The following DOCK5 variants were observed in gnomAD, a reference collection of about 807,000 sequenced individuals.
DOCK5 encodes the protein dedicator of cytokinesis protein 5.
In DOCK5, 142 loss-of-function variants were observed where a neutral mutation model predicts 251.8. The ratio of observed to expected loss-of-function variants is 0.56; its 90% CI spans 0.49 to 0.65. DOCK5 has a LOEUF of 0.65. DOCK5 is among the 30% of genes least tolerant of loss of function. DOCK5 has a pLI of 0.00. For synonymous variants in DOCK5, 842 were observed against 835.5 expected (o/e 1.01, Z -0.13); for missense variants, 2,111 against 2,312.3 (o/e 0.91, Z 1.79).
intron 40 of DOCK5, among the ~76,000 whole-genome samples, chr8:25,387,421 C>T (rs748567626): frequency 2.0e-5 from 3 of 152,100 alleles, no homozygotes; most frequent in Non-Finnish European, 1.5e-5. Context: ...GAATCAGCGT[C>T]GACTCCCCTG....
At chr8:25,206,816 G>C (rs566279646) in intron 1 of DOCK5, among the ~76,000 whole-genome samples, 6 of 152,234 alleles carry the variant, frequency 3.9e-5, no homozygotes, top group African/African-American at 1.4e-4. Context: ...TGCCACAGGG[G>C]CAAAAGCTAA....
At chr8:25,215,970 C>CACGT (rs2117487366) in intron 1 of DOCK5, among the ~76,000 whole-genome samples, 1 of 145,652 alleles carries the variant, frequency 6.9e-6, no homozygotes, top group Non-Finnish European at 1.5e-5. Flanking sequence ...CACACACACA[C>CACGT]ACGTATACGA....
chr8:25,315,327 G>A (rs933418527), intron 13 of DOCK5, among the ~76,000 whole-genome samples: 2 of 151,686 alleles, frequency 1.3e-5, no homozygotes, highest in Non-Finnish European at 2.9e-5. Context: ...CCCTGCAGAC[G>A]AGGTCAGGAC....
chr8:25,283,591 G>C lies in DOCK5; in HGVS notation c.321+4926G>C, dbSNP rs539905750. On this transcript the variant is annotated intron_variant, in intron 5 of 51. Coordinates refer to ENST00000276440, the MANE Select transcript of DOCK5 (RefSeq NM_024940.8). The stretch of plus-strand genomic sequence containing the variant: ...TCTTAGCTGGAAGCAGTAGCCATCT[G>C]GACACCCTCCCTCTGGGAAGCCTTG... Among the ~76,000 whole-genome samples, 5 of 151,070 alleles carry C rather than the reference G, an allele frequency of 3.3e-5. No individual in the cohort carries two copies. In the South Asian group the frequency reaches 1.1e-3, roughly 32 times the overall value.
At chr8:25,381,994 C>G (rs1586381223) in intron 39 of DOCK5, among the ~76,000 whole-genome samples, 1 of 152,266 alleles carries the variant, frequency 6.6e-6, no homozygotes, top group African/African-American at 2.4e-5. Context: ...CACAGTCCTT[C>G]TTTTTAAAAA....
chr8:25,346,148 C>A (rs921616385), intron 26 of DOCK5, among the ~76,000 whole-genome samples: 2 of 152,022 alleles, frequency 1.3e-5, no homozygotes, highest in African/African-American at 4.8e-5. Flanking sequence ...TCGCGCCCAG[C>A]CCCTGTGACT....
Position 25,357,009 on chromosome 8 carries a change from A to C in DOCK5, c.2851-1954A>C, listed in dbSNP as rs188470031. 1.5e-4 allele frequency among the ~76,000 whole-genome samples: 22 copies of C among 151,126 alleles called. No homozygotes were observed. In the East Asian group the frequency reaches 4.1e-3, roughly 28 times the overall value. On this transcript the variant is annotated intron_variant, in intron 27 of 51. Transcript: ENST00000276440. ...GTAATATAGGTGACAGGTGGCTAAT[A>C]AACTTAATATACAAAAGCTATTATA...
chr8:25,404,500 G>C (rs1189491696), intron 48 of DOCK5, among the ~76,000 whole-genome samples: 2 of 152,130 alleles, frequency 1.3e-5, no homozygotes, highest in Non-Finnish European at 1.5e-5. Context: ...CCCCAAATCT[G>C]AAATGTTCCA....
intron 1 of DOCK5, among the ~76,000 whole-genome samples, chr8:25,202,877 T>G (rs1801912593): frequency 6.6e-6 from 1 of 151,966 alleles, no homozygotes; most frequent in African/African-American, 2.4e-5. Flanking sequence ...ACCCCGGCAG[T>G]TTGTTTTTGA....
intron 47 of DOCK5, among the ~76,000 whole-genome samples, chr8:25,402,644 A>G (rs1801458989): frequency 6.7e-6 from 1 of 150,368 alleles, no homozygotes; most frequent in Non-Finnish European, 1.5e-5. Context: ...GAGTCTCCCT[A>G]TGTTGCCCAG....
chr8:25,202,129 G>A (rs893693334), intron 1 of DOCK5, among the ~76,000 whole-genome samples: 3 of 152,020 alleles, frequency 2.0e-5, no homozygotes, highest in Admixed American at 2.0e-4. Flanking sequence ...CGATTCTCCT[G>A]CCTCAGCCTC....
At chr8:25,247,391 G>A (rs539111588) in intron 2 of DOCK5, among the ~76,000 whole-genome samples, 17 of 152,108 alleles carry the variant, frequency 1.1e-4, no homozygotes, top group Non-Finnish European at 2.1e-4. Context: ...GAGGCCTAGA[G>A]TTCAAGACCA....
chr8:25,290,730 G>C (rs1202768546), intron 5 of DOCK5, among the ~76,000 whole-genome samples: 4 of 152,152 alleles, frequency 2.6e-5, no homozygotes, highest in African/African-American at 9.7e-5. Context: ...ACACACAAAT[G>C]AACAAACTCT....
chr8:25,344,986 C>T lies in DOCK5; in HGVS notation c.2618-489C>T, dbSNP rs58757786. ...CATACCTTACTTTCTGAAATCCACA[C>T]GCCTGCACAGACATGAGCAGAATGT... On this transcript the variant is annotated intron_variant, in intron 25 of 51. Transcript: ENST00000276440. Among the ~76,000 whole-genome samples the T allele has an allele frequency of 8.1e-3, 1,237 of 152,178 alleles. 12 individuals are homozygous for T. Among genetic ancestry groups the T allele is most frequent in the African/African-American group, 0.028 (1,176 of 41,498 alleles).
chr8:25,348,837 C>CAA (rs574264117), intron 26 of DOCK5, among the ~76,000 whole-genome samples: 3 of 115,854 alleles, frequency 2.6e-5, no homozygotes, highest in South Asian at 2.7e-4. Flanking sequence ...GACTCTGTCT[C>CAA]AAAAAAAAAA....
At position 25,254,176 on chromosome 8, in the gene DOCK5, A is replaced by G. The variant is rs534132743; in HGVS notation, c.127+10419A>G. Among the ~76,000 whole-genome samples the G allele has an allele frequency of 2.2e-4, 34 of 152,346 alleles. No individual in the cohort carries two copies. The East Asian group carries it at 6.6e-3, about 29-fold the overall frequency. On this transcript the variant is annotated intron_variant, in intron 2 of 51. Coordinates refer to ENST00000276440, the MANE Select transcript of DOCK5 (RefSeq NM_024940.8). ...TAACAAATCGTGCTGGAACAACCTG[A>G]CAACCACATGCCGAAATAATAATTT...
chr8:25,355,257 A>C (rs1800547006), intron 27 of DOCK5, among the ~76,000 whole-genome samples: 1 of 152,136 alleles, frequency 6.6e-6, no homozygotes, highest in South Asian at 2.1e-4. Flanking sequence ...AAAGGTATTT[A>C]ATTTCAACAC....
chr8:25,373,711 T>C lies in DOCK5; in HGVS notation c.3725+53T>C. On this transcript the variant is annotated intron_variant, in intron 36 of 51. Coordinates refer to ENST00000276440, the MANE Select transcript of DOCK5 (RefSeq NM_024940.8). The stretch of plus-strand genomic sequence containing the variant: ...GCTGTTTATTTCATGGCTTTGTGAT[T>C]GATTTCTTCAGTAAACAAATACTTT... 2.7e-6 allele frequency: 4 copies of C among 1,509,012 alleles called. No homozygotes were observed. The South Asian group carries it at 5.0e-5, about 19-fold the overall frequency. The allele number at this position is 1,509,012 out of a possible 1,614,324, so 93.5% of individuals were successfully genotyped here.
chr8:25,399,828 C>A, intron 45 of DOCK5, 83 bp from the exon 46 acceptor site: 2 of 1,033,628 alleles, frequency 1.9e-6, no homozygotes, highest in Non-Finnish European at 1.5e-6. Flanking sequence ...TTCTTCCGCA[C>A]AGGACACATG....
Sources: gnomAD v4.1 joint callset for allele counts (sites outside exome capture counted in the v4.1 genomes callset) on GRCh38, gnomAD v4.1.1 for gene constraint, MANE v1.5 for transcripts, NCBI Gene and HGNC (gene_info 2026-07-23, HGNC 2026-07-21) for gene names.